NELL1: variants seen among roughly 807,000 people sequenced by gnomAD.
The protein encoded by NELL1 is neural EGFL like 1.
In NELL1, 76 loss-of-function variants were observed where a neutral mutation model predicts 107.4. The observed-to-expected ratio is 0.71, with a 90% CI of 0.59 to 0.86. The LOEUF is 0.86. NELL1 is among the 40% of genes least tolerant of loss of function. The pLI is 0.00. For synonymous variants in NELL1, 353 were observed against 341.2 expected, an observed-to-expected ratio of 1.03 and a Z score of -0.38; for missense variants, 1,024 against 1,005.5, an observed-to-expected ratio of 1.02 and a Z score of -0.25.
chr11:21,309,300 G>A lies in NELL1; in HGVS notation c.1550-61553G>A, dbSNP rs12800488. 4.3e-3 allele frequency among the ~76,000 whole-genome samples: 252 copies of A among 58,062 alleles called. 1 individual carries two copies. Among genetic ancestry groups the A allele is most frequent in the Non-Finnish European group, 4.9e-3 (122 of 24,744 alleles). 38.1% of individuals were successfully genotyped at this position (58,062 alleles called of 152,430 possible). ...TATATGTATATATATATATATATAT[G>A]TATATATATATAATATATATATATA... is the stretch of plus-strand genomic sequence containing the variant. On this transcript the variant is annotated intron_variant, in intron 14 of 19. Transcript: ENST00000357134.
chr11:21,363,288 G>C (rs746691335), intron 14 of NELL1, among the ~76,000 whole-genome samples: 5 of 152,190 alleles, frequency 3.3e-5, no homozygotes, highest in Non-Finnish European at 5.9e-5. Context: ...GGTACTTCCT[G>C]TGCTACTTGT....
chr11:21,013,844 A>T (rs1269248838), intron 12 of NELL1, among the ~76,000 whole-genome samples: 4 of 151,998 alleles, frequency 2.6e-5, no homozygotes, highest in East Asian at 1.9e-4. Context: ...TTTAGTCATT[A>T]TGTTTCCTTA....
chr11:21,419,577 T>C (rs1281440683), intron 15 of NELL1, among the ~76,000 whole-genome samples: 2 of 152,124 alleles, frequency 1.3e-5, no homozygotes, highest in Admixed American at 1.3e-4. Flanking sequence ...ACACTCTTCT[T>C]TGAATATTTC....
At chr11:20,766,059 G>T (rs142189851) in intron 2 of NELL1, among the ~76,000 whole-genome samples, 150 of 152,260 alleles carry the variant, frequency 9.9e-4, no homozygotes, top group African/African-American at 3.5e-3. Context: ...AATCAGTTGT[G>T]ACACAAGTAT....
intron 15 of NELL1, among the ~76,000 whole-genome samples, chr11:21,488,702 G>T (rs1297791749): frequency 6.6e-6 from 1 of 152,022 alleles, no homozygotes; most frequent in African/African-American, 2.4e-5. Context: ...GGTCAATGAA[G>T]AAATTAAGAT....
At chr11:21,219,001 C>T (rs1857686610) in intron 13 of NELL1, among the ~76,000 whole-genome samples, 1 of 152,090 alleles carries the variant, frequency 6.6e-6, no homozygotes, top group Non-Finnish European at 1.5e-5. Context: ...TAGATAAACA[C>T]AGTAGTGAGA....
chr11:20,899,687 T>G (rs1462110002), intron 5 of NELL1, among the ~76,000 whole-genome samples: 1 of 151,962 alleles, frequency 6.6e-6, no homozygotes, highest in East Asian at 1.9e-4. Flanking sequence ...AAGCCAAAAT[T>G]TGATCATTTG....
At chr11:20,879,962 T>C (rs1383489788) in intron 4 of NELL1, among the ~76,000 whole-genome samples, 1 of 152,164 alleles carries the variant, frequency 6.6e-6, no homozygotes, top group East Asian at 1.9e-4. Context: ...AAGTTTAGTA[T>C]CTAAATAGAT....
chr11:20,698,172 T>C (rs1187862945), intron 2 of NELL1, among the ~76,000 whole-genome samples: 1 of 152,200 alleles, frequency 6.6e-6, no homozygotes, highest in East Asian at 1.9e-4. Flanking sequence ...AGAAGTGTTT[T>C]TGCTCTTGCC....
At chr11:21,035,896 A>T (rs1372933710) in intron 12 of NELL1, among the ~76,000 whole-genome samples, 3 of 152,320 alleles carry the variant, frequency 2.0e-5, no homozygotes, top group Admixed American at 2.0e-4. Flanking sequence ...GTAATCAGGC[A>T]AGAGAAAGAT....
chr11:20,799,506 A>T (rs1482526975), intron 3 of NELL1, among the ~76,000 whole-genome samples: 1 of 152,194 alleles, frequency 6.6e-6, no homozygotes, highest in Non-Finnish European at 1.5e-5. Context: ...AAATGCACAC[A>T]CTTTTTTTCT....
chr11:21,316,506 C>G (rs566236615), intron 14 of NELL1, among the ~76,000 whole-genome samples: 1 of 152,234 alleles, frequency 6.6e-6, no homozygotes, highest in Admixed American at 6.5e-5. Flanking sequence ...TGGTGGAGTT[C>G]CAGTCACAGG....
chr11:21,381,843 C>A (rs1426421602), intron 15 of NELL1, among the ~76,000 whole-genome samples: 1 of 149,652 alleles, frequency 6.7e-6, no homozygotes, highest in Non-Finnish European at 1.5e-5. Flanking sequence ...TGGGGAAAGA[C>A]TGAGCTGATT....
intron 15 of NELL1, among the ~76,000 whole-genome samples, chr11:21,457,068 A>T (rs1853765332): frequency 6.6e-6 from 1 of 152,194 alleles, no homozygotes; most frequent in Admixed American, 6.5e-5. Context: ...GTAAATAAAT[A>T]AATTTAAAGA....
intron 14 of NELL1, among the ~76,000 whole-genome samples, chr11:21,276,555 T>G (rs945863441): frequency 9.2e-5 from 14 of 151,970 alleles, no homozygotes; most frequent in Admixed American, 3.9e-4. Context: ...TACTTTAAAG[T>G]TCATATGGAA....
At chr11:21,116,747 A>C (rs1855245064) in intron 13 of NELL1, among the ~76,000 whole-genome samples, 1 of 151,944 alleles carries the variant, frequency 6.6e-6, no homozygotes, top group Non-Finnish European at 1.5e-5. Flanking sequence ...TCCTAAGTCC[A>C]TCCACTTCTG....
At chr11:20,772,533 C>A (rs1051580431) in intron 2 of NELL1, among the ~76,000 whole-genome samples, 4 of 152,162 alleles carry the variant, frequency 2.6e-5, no homozygotes, top group African/African-American at 9.7e-5. Context: ...AAAGTCCTGA[C>A]TTTAATGTCT....
At chr11:20,988,624 G>A (rs1227470859) in intron 12 of NELL1, among the ~76,000 whole-genome samples, 1 of 149,410 alleles carries the variant, frequency 6.7e-6, no homozygotes, top group African/African-American at 2.5e-5. Flanking sequence ...TTTTTGAGAC[G>A]CTGTCACCCA....
intron 12 of NELL1, among the ~76,000 whole-genome samples, chr11:21,098,775 T>G (rs1306860631): frequency 2.0e-5 from 3 of 152,104 alleles, no homozygotes; most frequent in East Asian, 3.9e-4. Context: ...CATTTGATAA[T>G]AAATACCCCC....
Sources: gnomAD v4.1 joint callset for allele counts (sites outside exome capture counted in the v4.1 genomes callset) on GRCh38, gnomAD v4.1.1 for gene constraint, MANE v1.5 for transcripts, NCBI Gene and HGNC (gene_info 2026-07-23, HGNC 2026-07-21) for gene names.